The following VPS13B variants were observed in gnomAD, a reference collection of about 807,000 sequenced individuals.
VPS13B encodes the protein intermembrane lipid transfer protein VPS13B.
Under a neutral mutation model 426.4 loss-of-function variants are expected in VPS13B, and 285 were observed. The ratio of observed to expected loss-of-function variants is 0.67; its 90% CI spans 0.61 to 0.74. The LOEUF (loss-of-function observed/expected upper bound fraction) is 0.74. Among genes scored for constraint, VPS13B ranks in the 30% least tolerant of loss-of-function variants. The pLI, the probability that VPS13B is intolerant of heterozygous loss-of-function variation, is 0.00. For synonymous variants in VPS13B, 1,676 were observed against 1,676.4 expected, an observed-to-expected ratio of 1.00 and a Z score of 0.01; for missense variants, 4,537 against 4,782.6, an observed-to-expected ratio of 0.95 and a Z score of 1.51.
At chr8:99,728,722 T>C (rs917293283) in intron 39 of VPS13B, among the ~76,000 whole-genome samples, 2 of 152,208 alleles carry the variant, frequency 1.3e-5, no homozygotes, top group African/African-American at 2.4e-5. Flanking sequence ...ACTCTGGTAG[T>C]ATGTCGACTA....
At chr8:99,522,817 G>C (rs1383352998) in intron 30 of VPS13B, among the ~76,000 whole-genome samples, 1 of 152,126 alleles carries the variant, frequency 6.6e-6, no homozygotes, top group African/African-American at 2.4e-5. Flanking sequence ...ATTCATATAA[G>C]AGTTTATCAA....
chr8:99,712,050 G>A (rs570701361), intron 36 of VPS13B, among the ~76,000 whole-genome samples: 1 of 152,308 alleles, frequency 6.6e-6, no homozygotes, highest in African/African-American at 2.4e-5. Context: ...TGAAATATTA[G>A]TTCAAGGGGA....
chr8:99,041,945 A>G (rs898986927), intron 3 of VPS13B, among the ~76,000 whole-genome samples: 1 of 152,120 alleles, frequency 6.6e-6, no homozygotes, highest in Non-Finnish European at 1.5e-5. Flanking sequence ...TGGAACATAA[A>G]TGTTAAATCT....
In VPS13B at chr8:99,384,235, G is replaced by A; in HGVS notation, c.2852G>A (p.Gly951Glu). Residue 951 changes from glycine to glutamate, a missense_variant, in exon 20 of 62, where the codon GGA (glycine) becomes GAA (glutamate). Gly to Glu is a moderately conservative substitution (Grantham distance 98). This residue lies in a region of VPS13B where 4,311 missense variants were observed against 4,474.3 expected (regional missense o/e 0.96). Transcript: ENST00000357162. ...SGAVLLCSIQ[G>E]LAVNIDPILY... ...GCTGTACTTCTTTGCAGTATACAAGGACTAGCAGTTAATATTGACCCAATC... is the reference window on the plus strand; with the variant it reads ...GCTGTACTTCTTTGCAGTATACAAGAACTAGCAGTTAATATTGACCCAATC... 1.2e-6 allele frequency: 2 copies of A among 1,613,890 alleles called. No homozygotes were observed. Among genetic ancestry groups the A allele is most frequent in the Non-Finnish European group, 1.7e-6 (2 of 1,179,930 alleles).
chr8:99,015,967 G>A (rs527493110), intron 2 of VPS13B, among the ~76,000 whole-genome samples: 2 of 152,178 alleles, frequency 1.3e-5, no homozygotes, highest in African/African-American at 4.8e-5. Context: ...TGTCAACATA[G>A]ATAAGTTTTA....
At chr8:99,258,046 GTTTT>G (rs1242350727) in intron 17 of VPS13B, among the ~76,000 whole-genome samples, 4 of 147,446 alleles carry the variant, frequency 2.7e-5, no homozygotes, top group African/African-American at 1.0e-4. Context: ...AATGCCATGT[GTTTT>G]TTTAAGTTCA....
chr8:99,396,479 T>A (rs1024763202), intron 21 of VPS13B, among the ~76,000 whole-genome samples: 2 of 152,316 alleles, frequency 1.3e-5, no homozygotes, highest in Non-Finnish European at 2.9e-5. Context: ...TATAGGCACT[T>A]TGCGATTATT....
At chr8:99,380,526 C>T (rs1813736102) in intron 19 of VPS13B, among the ~76,000 whole-genome samples, 1 of 151,488 alleles carries the variant, frequency 6.6e-6, no homozygotes, top group Non-Finnish European at 1.5e-5. Flanking sequence ...CTTTTGTTGT[C>T]TGAGCATGCT....
At chr8:99,664,077 G>A (rs950214300) in intron 35 of VPS13B, among the ~76,000 whole-genome samples, 1 of 150,854 alleles carries the variant, frequency 6.6e-6, no homozygotes, top group Admixed American at 6.6e-5. Flanking sequence ...TGTGATCTTG[G>A]CTCACTGCAA....
chr8:99,853,561 T>C lies in VPS13B; in HGVS notation c.10172T>C (p.Leu3391Pro). The C allele has an allele frequency of 6.2e-7, 1 of 1,614,204 alleles. No homozygotes were observed. Among genetic ancestry groups the C allele is most frequent in the Non-Finnish European group, 8.5e-7 (1 of 1,180,022 alleles). ...KASAELLRLT[L>P]DNIFLCVAPG... ...TCAGCTGAGCTTCTGAGACTCACAC[T>C]GGACAACATTTTTCTCTGTGTGGCC... is the stretch of plus-strand genomic sequence containing the variant. Residue 3391 changes from leucine (L) to proline (P), a missense_variant, in exon 56 of 62, where the codon CTG becomes CCG. Transcript: ENST00000357162.
At chr8:99,469,168 CTTT>C (rs35646881) in intron 24 of VPS13B, among the ~76,000 whole-genome samples, 22 of 127,720 alleles carry the variant, frequency 1.7e-4, no homozygotes, top group Admixed American at 4.2e-4. Flanking sequence ...TCTTTCTTTC[CTTT>C]TTTTTTTTTT....
At chr8:99,537,265 T>G (rs1430820094) in intron 30 of VPS13B, among the ~76,000 whole-genome samples, 1 of 152,184 alleles carries the variant, frequency 6.6e-6, no homozygotes, top group East Asian at 1.9e-4. Context: ...ATAGGCATGT[T>G]TGAAAAAGAT....
At chr8:99,157,290 A>C (rs548830517) in intron 15 of VPS13B, among the ~76,000 whole-genome samples, 1 of 151,720 alleles carries the variant, frequency 6.6e-6, no homozygotes, top group South Asian at 2.1e-4. Flanking sequence ...TTTTTTTAAC[A>C]AATTGAAGGT....
intron 17 of VPS13B, among the ~76,000 whole-genome samples, chr8:99,205,258 A>C (rs1247390748): frequency 1.3e-5 from 2 of 152,220 alleles, no homozygotes; most frequent in Non-Finnish European, 2.9e-5. Context: ...ACATGAACAG[A>C]AAACCAAACA....
intron 15 of VPS13B, among the ~76,000 whole-genome samples, chr8:99,162,661 G>A (rs1426537068): frequency 2.6e-5 from 4 of 152,172 alleles, no homozygotes; most frequent in African/African-American, 7.2e-5. Flanking sequence ...CGTTCCTCCC[G>A]GTGGGCTCAT....
rs572554029 is a variant in VPS13B at position 99,035,132 on chromosome 8, C to T, written c.148-3291C>T. 9.4e-4 allele frequency among the ~76,000 whole-genome samples: 143 copies of T among 152,248 alleles called. 1 individual carries two copies. The highest frequency in any genetic ancestry group is 3.4e-3 in the African/African-American group (141 of 41,540). ...CCCAGGAGTTTGAGGTTTCAGTGAG[C>T]TGATTGTGCCACTGCACTCCAGCCT... On this transcript the variant is annotated intron_variant, in intron 2 of 61. Coordinates refer to ENST00000357162, the MANE Select transcript of VPS13B (RefSeq NM_152564.5).
Position 99,818,875 on chromosome 8 carries a change from A to G in VPS13B, c.8608A>G (p.Thr2870Ala). ...NIEPDLVHHL[T>A]FQAREEYDPS... ...AGAACCTGACCTTGTACATCACCTG[A>G]CATTCCAAGCAAGGTACTAGAAAAA... Residue 2870 changes from threonine to alanine, a missense_variant, in exon 47 of 62, where the codon ACA (threonine) becomes GCA (alanine). Physicochemically the swap from Thr to Ala is moderately conservative, Grantham distance 58. Around this residue, in one of 2 missense-constraint regions of VPS13B, gnomAD observed 4,311 missense variants for 4,474.3 expected, o/e 0.96. Coordinates refer to ENST00000357162, the MANE Select transcript of VPS13B (RefSeq NM_152564.5). The G allele has an allele frequency of 6.2e-7, 1 of 1,613,216 alleles. No individual in the cohort carries two copies. Among genetic ancestry groups the G allele is most frequent in the Non-Finnish European group, 8.5e-7 (1 of 1,179,792 alleles).
At chr8:99,217,020 G>A (rs1815427585) in intron 17 of VPS13B, among the ~76,000 whole-genome samples, 1 of 151,972 alleles carries the variant, frequency 6.6e-6, no homozygotes, top group African/African-American at 2.4e-5. Flanking sequence ...CTTTCCTATT[G>A]TACTGGTACT....
At chr8:99,170,259 T>C (rs1812251007) in intron 16 of VPS13B, 96 bp downstream of exon 16, 4 of 1,460,676 alleles carry the variant, frequency 2.7e-6, no homozygotes, top group Non-Finnish European at 3.7e-6. Flanking sequence ...CATGCTAGTT[T>C]TATACAAAAC....
Sources: gnomAD v4.1 joint callset for allele counts (sites outside exome capture counted in the v4.1 genomes callset) on GRCh38, gnomAD v4.1.1 for gene constraint, gnomAD v4.1.1 regional missense constraint, MANE v1.5 for transcripts, NCBI Gene and HGNC (gene_info 2026-07-23, HGNC 2026-07-21) for gene names.